The following RNF8 variants were observed in gnomAD, a reference collection of about 807,000 sequenced individuals.
RNF8 encodes E3 ubiquitin-protein ligase RNF8.
In RNF8, 8 loss-of-function variants were observed where a neutral mutation model predicts 59.3. The ratio of observed to expected loss-of-function variants is 0.13; its 90% CI spans 0.08 to 0.24. RNF8 has a LOEUF of 0.24. Ranked by LOEUF, RNF8 falls within the 10% of genes least tolerant of loss-of-function variation. The pLI is 1.00. For synonymous variants in RNF8, 162 were observed against 200.0 expected (o/e 0.81, Z 1.60); for missense variants, 406 against 572.6 (o/e 0.71, Z 2.97).
chr6:37,374,745 AG>A, intron 5 of RNF8, 36 bp downstream of exon 5: 1 of 1,496,646 alleles, frequency 6.7e-7, no homozygotes, highest in Non-Finnish European at 9.3e-7. Flanking sequence ...GAATTTGGTT[AG>A]TGCATGCAAC....
At chr6:37,387,491 C>T (rs1226419573) in intron 7 of RNF8, among the ~76,000 whole-genome samples, 1 of 152,194 alleles carries the variant, frequency 6.6e-6, no homozygotes, top group Non-Finnish European at 1.5e-5. Flanking sequence ...CAGGCGTGCG[C>T]CACCATGCCT....
At chr6:37,368,253 G>T in intron 2 of RNF8, 1 of 832,868 alleles carries the variant, frequency 1.2e-6, no homozygotes, top group Non-Finnish European at 1.8e-6. Context: ...ATTCCTGCCT[G>T]TTATATGGCA....
intron 6 of RNF8, among the ~76,000 whole-genome samples, chr6:37,378,600 C>CA (rs554259061): frequency 0.16 from 8,690 of 53,486 alleles, 1,269 homozygotes; most frequent in African/African-American, 0.36. Flanking sequence ...GACTCCGTCT[C>CA]AAAAAAAAAA....
At chr6:37,382,478 A>G (rs1203642244) in intron 7 of RNF8, among the ~76,000 whole-genome samples, 1 of 152,114 alleles carries the variant, frequency 6.6e-6, no homozygotes, top group Non-Finnish European at 1.5e-5. Context: ...GAAAGTATCT[A>G]CGGAGGCTTT....
Position 37,393,891 on chromosome 6 carries a change from A to G in RNF8, c.*3133A>G, listed in dbSNP as rs955893995. The G allele has an allele frequency of 5.3e-5, 8 of 152,236 alleles. No individual in the cohort carries two copies. Among genetic ancestry groups the G allele is most frequent in the African/African-American group, 1.7e-4 (7 of 41,450 alleles). 9.4% of individuals were successfully genotyped at this position (152,236 alleles called of 1,614,324 possible). ...GTGAGTGACCATCCAGGCAGTCACC[A>G]TAACTGCTGGAGTGTCTGGGATTGG... On this transcript the variant is annotated 3_prime_UTR_variant, in exon 8 of 8. Coordinates refer to ENST00000373479, the MANE Select transcript of RNF8 (RefSeq NM_003958.4).
intron 1 of RNF8, among the ~76,000 whole-genome samples, chr6:37,355,965 A>G (rs370882860): frequency 1.6e-4 from 24 of 152,266 alleles, no homozygotes; most frequent in African/African-American, 5.5e-4. Context: ...ACACAACCTC[A>G]TAAGATAACT....
chr6:37,381,078 C>T lies in RNF8; in HGVS notation c.1237-72C>T, dbSNP rs1770241002. 3.0e-6 allele frequency: 4 copies of T among 1,348,498 alleles called. No individual in the cohort carries two copies. In the Admixed American group the frequency reaches 6.8e-5, roughly 23 times the overall value. The allele number at this position is 1,348,498 out of a possible 1,614,324, so 83.5% of individuals were successfully genotyped here. A position where few individuals can be genotyped will look rare whatever the true frequency, so the allele number is the denominator to read the frequency against. On this transcript the variant is annotated intron_variant, in intron 6 of 7. Transcript: ENST00000373479. Reference sequence around the variant, plus strand: ...CCTTTGAAATTCACTCCTGTCCTAACTTTGAGATCACAAGCATCCTGAGAA... The same window carrying T: ...CCTTTGAAATTCACTCCTGTCCTAATTTTGAGATCACAAGCATCCTGAGAA...
chr6:37,383,288 A>G (rs546947782), intron 7 of RNF8, among the ~76,000 whole-genome samples: 2 of 152,226 alleles, frequency 1.3e-5, no homozygotes, highest in East Asian at 3.8e-4. Context: ...AGGGAAAGAC[A>G]TGCCAGAGCT....
chr6:37,385,793 C>G (rs770547881), intron 7 of RNF8, among the ~76,000 whole-genome samples: 5 of 151,688 alleles, frequency 3.3e-5, no homozygotes, highest in Non-Finnish European at 7.4e-5. Context: ...TCTTTTGTGT[C>G]CTAGTATCCT....
chr6:37,375,028 C>A (rs1769952385), intron 5 of RNF8, among the ~76,000 whole-genome samples: 1 of 152,174 alleles, frequency 6.6e-6, no homozygotes, highest in African/African-American at 2.4e-5. Context: ...GAAATAGTTC[C>A]TCCTGAACTA....
intron 6 of RNF8, among the ~76,000 whole-genome samples, chr6:37,378,890 G>A (rs1207744652): frequency 2.0e-5 from 3 of 152,324 alleles, no homozygotes; most frequent in South Asian, 4.1e-4. Context: ...CCAACCTGGA[G>A]CATCTGCAGA....
At chr6:37,373,481 A>T (rs968920216) in intron 4 of RNF8, among the ~76,000 whole-genome samples, 1 of 152,142 alleles carries the variant, frequency 6.6e-6, no homozygotes, top group Non-Finnish European at 1.5e-5. Context: ...ATCTCAGCTC[A>T]CTGCAGCCTC....
chr6:37,362,041 TCAAA>T (rs1769344975), intron 2 of RNF8, among the ~76,000 whole-genome samples: 1 of 152,200 alleles, frequency 6.6e-6, no homozygotes, highest in South Asian at 2.1e-4. Flanking sequence ...CTTTATGACG[TCAAA>T]CAATTAATTA....
Position 37,354,170 on chromosome 6 carries a change from G to C in RNF8, c.6G>C (p.Gly2=), listed in dbSNP as rs774548393. The change falls in exon 1 of 8, where the codon GGG becomes GGC. Residue 2 remains glycine, a synonymous_variant. Transcript: ENST00000373479. The stretch of plus-strand genomic sequence containing the variant: ...CCCCCGGGGTCGAGTAGGCGATGGG[G>C]GAGCCCGGCTTCTTCGTCACAGGAG... The part of the protein sequence containing the change: M[G]EPGFFVTGDR... 6.3e-7 allele frequency: 1 copy of C among 1,575,102 alleles called. No homozygotes were observed. Among genetic ancestry groups the C allele is most frequent in the African/African-American group, 1.3e-5 (1 of 74,110 alleles).
At chr6:37,356,688 T>C (rs1017178507) in intron 1 of RNF8, among the ~76,000 whole-genome samples, 6 of 152,112 alleles carry the variant, frequency 3.9e-5, no homozygotes, top group African/African-American at 1.4e-4. Context: ...TTTCATTAAG[T>C]TTTCTGCCCC....
intron 7 of RNF8, among the ~76,000 whole-genome samples, chr6:37,387,345 G>T (rs951208815): frequency 1.3e-5 from 2 of 152,078 alleles, no homozygotes; most frequent in Non-Finnish European, 2.9e-5. Flanking sequence ...TCTCTTACTT[G>T]CTTCCTTTCT....
rs186761392 is a variant in RNF8, at chr6:37,367,438, C to T, written c.241-1046C>T. Among the ~76,000 whole-genome samples, 259 of 152,290 alleles carry T rather than the reference C, an allele frequency of 1.7e-3. 1 individual carries two copies. Among genetic ancestry groups the T allele is most frequent in the African/African-American group, 5.7e-3 (238 of 41,562 alleles). On this transcript the variant is annotated intron_variant, in intron 2 of 7. Transcript: ENST00000373479. ...TTTATTTTGGAGACAGAGTCTCGCT[C>T]TGTCACCCAGGCTGGAGTGCAGTGA... is the stretch of plus-strand genomic sequence containing the variant.
chr6:37,392,383 C>T lies in RNF8; in HGVS notation c.*1625C>T. ...ACACTTTTTGAGTAGGCAATATGTT[C>T]ACATAGTTTGAAATTAAAGGTACAA... On this transcript the variant is annotated 3_prime_UTR_variant, in exon 8 of 8. Coordinates refer to ENST00000373479, the MANE Select transcript of RNF8 (RefSeq NM_003958.4). The T allele has an allele frequency of 7.5e-6, 3 of 398,360 alleles. No individual in the cohort carries two copies. Among genetic ancestry groups the T allele is most frequent in the Non-Finnish European group, 8.8e-6 (2 of 226,028 alleles). The allele number at this position is 398,360 out of a possible 1,614,324, so 24.7% of individuals were successfully genotyped here. A position where few individuals can be genotyped will look rare whatever the true frequency, so the allele number is the denominator to read the frequency against.
chr6:37,359,212 GA>G, intron 1 of RNF8: 3 of 455,360 alleles, frequency 6.6e-6, no homozygotes, highest in South Asian at 4.7e-5. Context: ...GGTCCAACAG[GA>G]AAGTATGATA....
Sources: allele counts gnomAD v4.1 joint callset (sites outside exome capture counted in the v4.1 genomes callset), GRCh38; gene constraint gnomAD v4.1.1; transcripts MANE v1.5; gene names NCBI Gene and HGNC (gene_info 2026-07-23, HGNC 2026-07-21).